The following ZNF148 variants were observed in gnomAD, a reference collection of about 807,000 sequenced individuals.
ZNF148 encodes zinc finger protein 148, also known as Beta-Enolase Repressor Factor-1.
In ZNF148, 7 loss-of-function variants were observed where a neutral mutation model predicts 67.7. The ratio of observed to expected loss-of-function variants is 0.10; its 90% confidence interval spans 0.06 to 0.19. The LOEUF is 0.19. ZNF148 is among the 10% of genes least tolerant of loss of function. The pLI, the probability that ZNF148 is intolerant of heterozygous loss-of-function variation, is 1.00. For missense variants in ZNF148, 583 were observed against 947.1 expected (o/e 0.62, Z 5.05); for synonymous variants, 333 against 330.7 (o/e 1.01, Z -0.08).
intron 7 of ZNF148, among the ~76,000 whole-genome samples, chr3:125,276,316 T>C (rs1237840258): frequency 6.6e-6 from 1 of 152,260 alleles, no homozygotes; most frequent in South Asian, 2.1e-4. Context: ...AAGAGATGAA[T>C]ACGTTTACTT....
intron 5 of ZNF148, among the ~76,000 whole-genome samples, chr3:125,280,393 G>T (rs1938313145): frequency 6.6e-6 from 1 of 151,988 alleles, no homozygotes; most frequent in African/African-American, 2.4e-5. Context: ...ACATTAAGCT[G>T]CCTTTTGGCC....
At chr3:125,264,899 G>C (rs1937499132) in intron 7 of ZNF148, among the ~76,000 whole-genome samples, 1 of 152,140 alleles carries the variant, frequency 6.6e-6, no homozygotes, top group African/African-American at 2.4e-5. Context: ...GTTTCCTTCA[G>C]GGGAAAAAAA....
intron 2 of ZNF148, among the ~76,000 whole-genome samples, chr3:125,326,577 T>C (rs1308634626): frequency 6.6e-6 from 1 of 150,728 alleles, no homozygotes; most frequent in Middle Eastern, 3.2e-3. Flanking sequence ...AACAAAAACA[T>C]AGGTGATATC....
Position 125,279,115 on chromosome 3 carries a change from A to G in ZNF148, c.583+9T>C. ...AATGGCCACAAGCCCATTTTAATTC[A>G]AGAAATACCTGTATGAATGAAGACA... On this transcript the variant is annotated intron_variant, in intron 6 of 8. Transcript: ENST00000360647. 1 of 1,588,188 alleles carries G rather than the reference A, an allele frequency of 6.3e-7. No individual in the cohort carries two copies. Among genetic ancestry groups the G allele is most frequent in the Non-Finnish European group, 8.6e-7 (1 of 1,169,238 alleles).
intron 7 of ZNF148, among the ~76,000 whole-genome samples, chr3:125,259,625 C>T (rs139823702): frequency 1.1e-3 from 173 of 152,228 alleles, no homozygotes; most frequent in African/African-American, 3.9e-3. Context: ...TGTAAAATAG[C>T]ATTACGTCTA....
chr3:125,334,118 A>T (rs1275466897), intron 1 of ZNF148, among the ~76,000 whole-genome samples: 1 of 152,242 alleles, frequency 6.6e-6, no homozygotes, highest in Non-Finnish European at 1.5e-5. Context: ...CACAGAAATA[A>T]AATGCACAAG....
At chr3:125,302,607 G>T (rs533132483) in intron 4 of ZNF148, among the ~76,000 whole-genome samples, 69 of 152,138 alleles carry the variant, frequency 4.5e-4, no homozygotes, top group African/African-American at 1.6e-3. Flanking sequence ...TTTCAGAATG[G>T]ACTCAAATTT....
At chr3:125,280,074 G>A (rs1176553432) in intron 5 of ZNF148, among the ~76,000 whole-genome samples, 1 of 151,970 alleles carries the variant, frequency 6.6e-6, no homozygotes, top group East Asian at 1.9e-4. Flanking sequence ...GATCACTAAG[G>A]TTATTCTAGA....
intron 4 of ZNF148, 41 bp from the exon 5 acceptor site, chr3:125,288,269 A>C (rs1385309432): frequency 1.3e-6 from 2 of 1,567,144 alleles, no homozygotes. Flanking sequence ...CATAAATAAA[A>C]AGTTCATTGT....
At chr3:125,287,417 C>T (rs753859460) in intron 5 of ZNF148, among the ~76,000 whole-genome samples, 19 of 152,028 alleles carry the variant, frequency 1.2e-4, no homozygotes, top group East Asian at 3.9e-4. Context: ...AGTGGGAGGA[C>T]GGCTTGAGAC....
At chr3:125,243,495 T>C (rs1936458276) in intron 7 of ZNF148, among the ~76,000 whole-genome samples, 1 of 152,214 alleles carries the variant, frequency 6.6e-6, no homozygotes, top group Non-Finnish European at 1.5e-5. Context: ...TACATCTTAT[T>C]CCTGATGTGT....
intron 7 of ZNF148, among the ~76,000 whole-genome samples, chr3:125,260,826 T>C (rs1255331606): frequency 1.3e-5 from 2 of 152,254 alleles, no homozygotes; most frequent in African/African-American, 4.8e-5. Context: ...AAACTACCTA[T>C]ACATACCTAA....
chr3:125,298,101 C>T (rs547381091), intron 4 of ZNF148, among the ~76,000 whole-genome samples: 3 of 152,100 alleles, frequency 2.0e-5, no homozygotes, highest in South Asian at 2.1e-4. Flanking sequence ...CTGCTTATTT[C>T]GAATTCAAAG....
chr3:125,357,878 C>G (rs1347146552), intron 1 of ZNF148: 1 of 152,214 alleles, frequency 6.6e-6, no homozygotes, highest in African/African-American at 2.4e-5. Flanking sequence ...CCGCCTTAAT[C>G]CTTCCTCTTA....
chr3:125,232,689 T>C lies in ZNF148; in HGVS notation c.2037A>G (p.Ile679Met). 1 of 1,613,884 alleles carries C rather than the reference T, an allele frequency of 6.2e-7. No individual in the cohort carries two copies. The highest frequency in any genetic ancestry group is 8.5e-7 in the Non-Finnish European group (1 of 1,179,788). ...TTPDKSHFGL[I>M]VGDSQHSFPF... ...GAAATGAGTGCTGTGAATCACCAAC[T>C]ATTAGTCCAAAGTGGGACTTATCTG... Residue 679 changes from isoleucine (I) to methionine (M), a missense_variant, in exon 9 of 9, where the codon ATA becomes ATG. Ile to Met is a conservative substitution (Grantham distance 10). Coordinates refer to ENST00000360647, the MANE Select transcript of ZNF148 (RefSeq NM_021964.3). This position sits in a 1 kb window ranked among gnomAD's most constrained non-coding sequence, Gnocchi z 4.2.
intron 1 of ZNF148, among the ~76,000 whole-genome samples, chr3:125,370,748 G>C (rs1942853397): frequency 6.6e-6 from 1 of 152,154 alleles, no homozygotes; most frequent in South Asian, 2.1e-4. Context: ...CCTAACAGAG[G>C]AGATTGGGCC....
At chr3:125,306,542 T>C (rs1323245724) in intron 4 of ZNF148, among the ~76,000 whole-genome samples, 1 of 152,190 alleles carries the variant, frequency 6.6e-6, no homozygotes, top group Non-Finnish European at 1.5e-5. Flanking sequence ...CCAAAACTTA[T>C]TCAAGAAAAA....
At chr3:125,251,469 TAAAG>T (rs1257972875) in intron 7 of ZNF148, among the ~76,000 whole-genome samples, 3 of 152,300 alleles carry the variant, frequency 2.0e-5, no homozygotes, top group East Asian at 1.9e-4. Context: ...AGTAGCTCAA[TAAAG>T]AAAGGGAACA....
intron 1 of ZNF148, among the ~76,000 whole-genome samples, chr3:125,363,812 G>T (rs1434184130): frequency 6.6e-6 from 1 of 151,928 alleles, no homozygotes; most frequent in Non-Finnish European, 1.5e-5. Context: ...ACCATGCCCC[G>T]CTAATTTTTT....
Sources: allele counts gnomAD v4.1 joint callset (sites outside exome capture counted in the v4.1 genomes callset), GRCh38; gene constraint gnomAD v4.1.1; non-coding constraint Gnocchi (gnomAD v3.1); transcripts MANE v1.5; gene names NCBI Gene and HGNC (gene_info 2026-07-23, HGNC 2026-07-21).